Variants in SLC10A7 observed in about 807,000 individuals in gnomAD.
SLC10A7 encodes sodium/bile acid cotransporter 7.
Under a neutral mutation model 43.2 loss-of-function variants are expected in SLC10A7, and 29 were observed. The observed-to-expected ratio is 0.67, with a 90% CI of 0.50 to 0.92. SLC10A7 has a LOEUF of 0.92. SLC10A7 is among the 40% of genes least tolerant of loss of function. The pLI, the probability that SLC10A7 is intolerant of heterozygous loss-of-function variation, is 0.00. For missense variants in SLC10A7, 295 were observed against 403.2 expected (o/e 0.73, Z 2.30); for synonymous variants, 152 against 144.8 (o/e 1.05, Z -0.35).
At chr4:146,394,254 T>A (rs1303451682) in intron 5 of SLC10A7, among the ~76,000 whole-genome samples, 1 of 152,196 alleles carries the variant, frequency 6.6e-6, no homozygotes, top group Non-Finnish European at 1.5e-5. Flanking sequence ...ACATCCTACC[T>A]CATTAAATCT....
At chr4:146,490,158 A>T (rs1485617033) in intron 4 of SLC10A7, among the ~76,000 whole-genome samples, 1 of 152,166 alleles carries the variant, frequency 6.6e-6, no homozygotes, top group African/African-American at 2.4e-5. Flanking sequence ...CCAAAATGTG[A>T]CTATATAGCC....
chr4:146,329,003 T>C (rs935767404), intron 5 of SLC10A7, among the ~76,000 whole-genome samples: 33 of 152,196 alleles, frequency 2.2e-4, no homozygotes, highest in Non-Finnish European at 1.2e-4. Flanking sequence ...GAATTCAACA[T>C]AATGATACTA....
intron 7 of SLC10A7, 100 bp from the exon 8 acceptor site, chr4:146,294,195 G>T: frequency 1.0e-6 from 1 of 987,150 alleles, no homozygotes; most frequent in Non-Finnish European, 1.4e-6. Flanking sequence ...ATAAAGGAAA[G>T]AGAATAATTT....
At chr4:146,350,963 A>G (rs1244776798) in intron 5 of SLC10A7, among the ~76,000 whole-genome samples, 1 of 149,372 alleles carries the variant, frequency 6.7e-6, no homozygotes, top group African/African-American at 2.5e-5. Flanking sequence ...GAAACTCTAA[A>G]ACGCAGAGCG....
chr4:146,338,040 G>A (rs1476874535), intron 5 of SLC10A7, among the ~76,000 whole-genome samples: 3 of 151,954 alleles, frequency 2.0e-5, no homozygotes, highest in Admixed American at 6.6e-5. Flanking sequence ...GATTTAATGT[G>A]TATCTGCCAT....
At chr4:146,469,039 G>GA (rs1427945845) in intron 4 of SLC10A7, among the ~76,000 whole-genome samples, 2 of 152,114 alleles carry the variant, frequency 1.3e-5, no homozygotes, top group Non-Finnish European at 2.9e-5. Context: ...GGGTTCTCCT[G>GA]AAATTTCCTG....
At chr4:146,284,878 A>G (rs375883086) in intron 9 of SLC10A7, among the ~76,000 whole-genome samples, 1 of 152,188 alleles carries the variant, frequency 6.6e-6, no homozygotes, top group African/African-American at 2.4e-5. Flanking sequence ...ACAGACATAC[A>G]TGAGAAAGAG....
chr4:146,259,414 G>T (rs1233301152), intron 10 of SLC10A7, among the ~76,000 whole-genome samples: 3 of 152,152 alleles, frequency 2.0e-5, no homozygotes, highest in African/African-American at 7.2e-5. Flanking sequence ...ATTAGGTAAG[G>T]GTCATACAGA....
chr4:146,281,662 C>A (rs1729566121), intron 10 of SLC10A7, among the ~76,000 whole-genome samples: 1 of 152,092 alleles, frequency 6.6e-6, no homozygotes, highest in African/African-American at 2.4e-5. Flanking sequence ...CAATAACACA[C>A]ATGGGAAAGA....
intron 1 of SLC10A7, among the ~76,000 whole-genome samples, chr4:146,518,964 C>T (rs1016482655): frequency 4.7e-5 from 7 of 149,386 alleles, no homozygotes; most frequent in African/African-American, 1.7e-4. Flanking sequence ...CTAATACACT[C>T]ACTTAAGCAA....
Position 146,352,569 on chromosome 4 carries a change from T to A in SLC10A7, c.436-26573A>T, listed in dbSNP as rs1413571330. ...CATCTACAGAACTCTCCACCCCAAA[T>A]CAACAGAATATACATTTTTTTCAGC... On this transcript the variant is annotated intron_variant, in intron 5 of 11. Transcript: ENST00000335472. Among the ~76,000 whole-genome samples the A allele has an allele frequency of 4.1e-4, 61 of 150,612 alleles. 1 individual carries two copies. The highest frequency in any genetic ancestry group is 1.4e-3 in the African/African-American group (57 of 40,832).
chr4:146,355,720 T>C (rs921498395), intron 5 of SLC10A7, among the ~76,000 whole-genome samples: 11 of 151,336 alleles, frequency 7.3e-5, no homozygotes, highest in Admixed American at 4.6e-4. Context: ...TAAAAAATGA[T>C]GAGTTCATGT....
At chr4:146,318,584 C>T (rs1732482225) in intron 6 of SLC10A7, among the ~76,000 whole-genome samples, 1 of 151,946 alleles carries the variant, frequency 6.6e-6, no homozygotes, top group Non-Finnish European at 1.5e-5. Context: ...TTGCTTTCTT[C>T]CAGTCTAATT....
chr4:146,387,793 G>A (rs1738119537), intron 5 of SLC10A7, among the ~76,000 whole-genome samples: 1 of 152,080 alleles, frequency 6.6e-6, no homozygotes, highest in Admixed American at 6.5e-5. Context: ...TGGCAATCCA[G>A]TTGAAAACCA....
intron 5 of SLC10A7, among the ~76,000 whole-genome samples, chr4:146,390,238 T>C (rs1738324004): frequency 6.6e-6 from 1 of 152,200 alleles, no homozygotes; most frequent in Non-Finnish European, 1.5e-5. Context: ...TGTTTTATGG[T>C]TTCAGTGACA....
chr4:146,417,284 T>C (rs990638141), intron 5 of SLC10A7, among the ~76,000 whole-genome samples: 2 of 152,190 alleles, frequency 1.3e-5, no homozygotes, highest in African/African-American at 4.8e-5. Context: ...AGGCAAGAAA[T>C]AGACCATGGA....
intron 4 of SLC10A7, among the ~76,000 whole-genome samples, chr4:146,485,035 A>G (rs988187551): frequency 1.3e-5 from 2 of 152,192 alleles, no homozygotes; most frequent in Non-Finnish European, 2.9e-5. Flanking sequence ...AATGTCAATG[A>G]TTTTCTACTA....
At chr4:146,311,171 C>G (rs1731952008) in intron 6 of SLC10A7, among the ~76,000 whole-genome samples, 2 of 152,016 alleles carry the variant, frequency 1.3e-5, no homozygotes, top group Admixed American at 1.3e-4. Context: ...TGAGTGGAAG[C>G]AAGATTGACT....
intron 9 of SLC10A7, among the ~76,000 whole-genome samples, chr4:146,292,072 G>C (rs1446170968): frequency 6.6e-6 from 1 of 152,210 alleles, no homozygotes; most frequent in Non-Finnish European, 1.5e-5. Flanking sequence ...GAAAGCATGA[G>C]GTCTTTCCAG....
Sources: allele counts gnomAD v4.1 joint callset (sites outside exome capture counted in the v4.1 genomes callset), GRCh38; gene constraint gnomAD v4.1.1; transcripts MANE v1.5; gene names NCBI Gene and HGNC (gene_info 2026-07-23, HGNC 2026-07-21).